The following ZNF644 variants were observed in gnomAD, a reference collection of about 807,000 sequenced individuals.
ZNF644 encodes zinc finger motif enhancer binding protein 2.
In ZNF644, 20 loss-of-function variants were observed where a neutral mutation model predicts 108.0. The ratio of observed to expected loss-of-function variants is 0.19; its 90% CI spans 0.13 to 0.27. ZNF644 has a LOEUF of 0.27. Among genes scored for constraint, ZNF644 ranks in the 10% least tolerant of loss-of-function variants. The pLI is 1.00. For synonymous variants in ZNF644, 542 were observed against 539.1 expected (o/e 1.01, Z -0.08); for missense variants, 1,338 against 1,548.9 (o/e 0.86, Z 2.29).
At chr1:90,974,271 G>A (rs930234485) in intron 2 of ZNF644, among the ~76,000 whole-genome samples, 1 of 151,990 alleles carries the variant, frequency 6.6e-6, no homozygotes, top group Non-Finnish European at 1.5e-5. Context: ...AGAGATTGCA[G>A]TGGGCCAAGA....
intron 2 of ZNF644, among the ~76,000 whole-genome samples, chr1:90,981,928 AT>A (rs1313614919): frequency 2.6e-5 from 4 of 152,140 alleles, no homozygotes; most frequent in African/African-American, 9.6e-5. Context: ...ATGACTATTC[AT>A]ATACTTTATC....
At chr1:90,930,243 A>G (rs903230943) in intron 4 of ZNF644, among the ~76,000 whole-genome samples, 1 of 152,120 alleles carries the variant, frequency 6.6e-6, no homozygotes, top group Non-Finnish European at 1.5e-5. Flanking sequence ...CCGAGACTGC[A>G]CCATTGCACT....
chr1:91,018,423 GATTA>G (rs1423499822), intron 1 of ZNF644, among the ~76,000 whole-genome samples: 2 of 152,210 alleles, frequency 1.3e-5, no homozygotes, highest in Non-Finnish European at 2.9e-5. Context: ...CTACCAGAAA[GATTA>G]ATAAGTGTAA....
intron 2 of ZNF644, among the ~76,000 whole-genome samples, chr1:90,946,282 T>C (rs895516946): frequency 2.6e-5 from 4 of 152,042 alleles, no homozygotes; most frequent in East Asian, 1.9e-4. Flanking sequence ...GGATGTCACA[T>C]TGAGAAGAAA....
intron 1 of ZNF644, among the ~76,000 whole-genome samples, chr1:91,014,148 A>G (rs938597482): frequency 4.6e-5 from 7 of 152,168 alleles, no homozygotes; most frequent in Non-Finnish European, 1.0e-4. Context: ...AAATCTAGCT[A>G]ATTAACACAT....
intron 1 of ZNF644, among the ~76,000 whole-genome samples, chr1:90,988,836 G>A (rs1025544411): frequency 1.3e-5 from 2 of 152,126 alleles, no homozygotes; most frequent in African/African-American, 4.8e-5. Flanking sequence ...ATATCCACGT[G>A]AAAAAGAATG....
At chr1:90,969,970 T>C (rs1419578207) in intron 2 of ZNF644, among the ~76,000 whole-genome samples, 1 of 152,226 alleles carries the variant, frequency 6.6e-6, no homozygotes, top group Non-Finnish European at 1.5e-5. Flanking sequence ...ATTTAAGTTC[T>C]ACTGTGATAT....
rs1320481229 is a variant in ZNF644, at chr1:90,967,894, C to CG, written c.44+14415_44+14416insC. On this transcript the variant is annotated intron_variant, in intron 2 of 5. Transcript: ENST00000337393. The stretch of plus-strand genomic sequence containing the variant: ...AACCCCGTCTCTACTAAAAAAAATA[C>CG]AAAAAAAAAAAAAAAAATTAGCCAG... 3.4e-3 allele frequency among the ~76,000 whole-genome samples: 414 copies of CG among 123,420 alleles called. 1 individual carries two copies. Among genetic ancestry groups the CG allele is most frequent in the Non-Finnish European group, 5.6e-3 (337 of 60,588 alleles). The allele number at this position is 123,420 out of a possible 152,430, so 81.0% of individuals were successfully genotyped here.
intron 4 of ZNF644, among the ~76,000 whole-genome samples, chr1:90,934,491 T>C (rs1313596910): frequency 6.6e-6 from 1 of 152,128 alleles, no homozygotes; most frequent in African/African-American, 2.4e-5. Context: ...TTTTAAGATG[T>C]GAGGGAAATG....
intron 2 of ZNF644, among the ~76,000 whole-genome samples, chr1:90,968,060 C>CAA (rs763728133): frequency 0.14 from 9,359 of 65,194 alleles, 1,191 homozygotes; most frequent in East Asian, 0.17. Context: ...GACTCCGTCT[C>CAA]AAAAAAAAAA....
intron 4 of ZNF644, among the ~76,000 whole-genome samples, chr1:90,926,556 T>C (rs143689017): frequency 6.6e-6 from 1 of 152,308 alleles, no homozygotes; most frequent in East Asian, 1.9e-4. Context: ...TACTTTGTTA[T>C]AGTGGATAGC....
rs373853176 is a variant in ZNF644, at chr1:91,017,606, A to T, written c.-18+4384T>A. ...TCAAAGGATTTCTTATCTTGAAATT[A>T]AAAGAATAAAAATATACTAACTTTC... is the stretch of plus-strand genomic sequence containing the variant. On this transcript the variant is annotated intron_variant, in intron 1 of 5. Coordinates refer to ENST00000337393, the MANE Select transcript of ZNF644 (RefSeq NM_201269.3). Among the ~76,000 whole-genome samples, 5 of 152,358 alleles carry T rather than the reference A, an allele frequency of 3.3e-5. No individual in the cohort carries two copies. The East Asian group carries it at 9.6e-4, about 29-fold the overall frequency.
rs146329330 is a variant in ZNF644 at position 90,939,952 on chromosome 1, T to C, written c.1402A>G (p.Ile468Val). 6.2e-7 allele frequency: 1 copy of C among 1,613,952 alleles called. No individual in the cohort carries two copies. Among genetic ancestry groups the C allele is most frequent in the Non-Finnish European group, 8.5e-7 (1 of 1,179,956 alleles). The change falls in exon 3 of 6, where the codon ATT becomes GTT. Residue 468 changes from isoleucine (I) to valine (V), a missense_variant. Transcript: ENST00000337393. The stretch of plus-strand genomic sequence containing the variant: ...TTCTGTCTTCTCTCCTGGTGAATAA[T>C]CATATGTTTTAGAAGTGAATTGCGA... The part of the protein sequence containing the change: ...RDRNSLLKHM[I>V]IHQERRQKLM...
At chr1:90,967,775 C>T (rs1655064655) in intron 2 of ZNF644, among the ~76,000 whole-genome samples, 4 of 151,656 alleles carry the variant, frequency 2.6e-5, no homozygotes, top group Non-Finnish European at 4.4e-5. Context: ...TGGCCAGGCA[C>T]GGTGGCTCAC....
chr1:90,997,496 T>C (rs1658266257), intron 1 of ZNF644, among the ~76,000 whole-genome samples: 1 of 151,906 alleles, frequency 6.6e-6, no homozygotes. Context: ...AGAATCTGAT[T>C]ATCAGAGTTG....
At chr1:90,937,445 A>G in intron 4 of ZNF644, 40 bp downstream of exon 4, 1 of 1,612,890 alleles carries the variant, frequency 6.2e-7, no homozygotes, top group Non-Finnish European at 8.5e-7. Context: ...ATTGAACTGC[A>G]TTTAAACTGT....
At chr1:90,970,760 A>T (rs182737729) in intron 2 of ZNF644, among the ~76,000 whole-genome samples, 1 of 152,220 alleles carries the variant, frequency 6.6e-6, no homozygotes, top group African/African-American at 2.4e-5. Context: ...TTAAAAAAAT[A>T]TATGGCTGAG....
At chr1:90,950,888 T>C (rs530873096) in intron 2 of ZNF644, among the ~76,000 whole-genome samples, 2 of 152,286 alleles carry the variant, frequency 1.3e-5, no homozygotes, top group East Asian at 3.9e-4. Flanking sequence ...GGATGTTATA[T>C]TTGCAATACT....
In ZNF644 at chr1:90,938,583, G is replaced by A; in HGVS notation, c.2771C>T (p.Thr924Ile). 1 of 1,613,736 alleles carries A rather than the reference G, an allele frequency of 6.2e-7. No homozygotes were observed. The highest frequency in any genetic ancestry group is 1.1e-5 in the South Asian group (1 of 91,066). ...DGFYFEYYED[T>I]GSNNFLHEIH... ...CTCATGCAAAAAGTTGTTACTTCCA[G>A]TATCTTCATAGTATTCAAAATAAAA... The change falls in exon 3 of 6, where the codon ACT becomes ATT. Residue 924 changes from threonine to isoleucine, a missense_variant. Coordinates refer to ENST00000337393, the MANE Select transcript of ZNF644 (RefSeq NM_201269.3). This position sits in a 1 kb window ranked among gnomAD's most constrained non-coding sequence, Gnocchi z 4.2.
Sources: gnomAD v4.1 joint callset for allele counts (sites outside exome capture counted in the v4.1 genomes callset) on GRCh38, gnomAD v4.1.1 for gene constraint, Gnocchi (gnomAD v3.1) non-coding constraint, MANE v1.5 for transcripts, NCBI Gene and HGNC (gene_info 2026-07-23, HGNC 2026-07-21) for gene names.